Variants in IFT88 observed in about 807,000 individuals in gnomAD.
IFT88 encodes the protein intraflagellar transport protein 88 homolog.
In IFT88, 74 loss-of-function variants were observed where a neutral mutation model predicts 119.5. That is an observed-to-expected ratio of 0.62 (90% confidence interval 0.51 to 0.75). The LOEUF (loss-of-function observed/expected upper bound fraction) is 0.75, where lower values mean the gene tolerates loss of function less well. Among genes scored for constraint, IFT88 ranks in the 30% least tolerant of loss-of-function variants. The probability of loss-of-function intolerance (pLI) is 0.00; values close to 1 mark genes in which losing one functional copy is unlikely to be tolerated. For synonymous variants in IFT88, 279 were observed against 316.7 expected (o/e 0.88, Z 1.26); for missense variants, 961 against 977.7 (o/e 0.98, Z 0.23).
chr13:20,631,227 G>A (rs969799285), intron 16 of IFT88, 125 bp downstream of exon 16: 2 of 670,160 alleles, frequency 3.0e-6, no homozygotes, highest in South Asian at 1.7e-5. Context: ...GGACTGAGGA[G>A]TATAGAGGAT....
intron 23 of IFT88, among the ~76,000 whole-genome samples, chr13:20,664,324 T>G (rs1478539863): frequency 1.3e-5 from 2 of 152,194 alleles, no homozygotes; most frequent in Non-Finnish European, 2.9e-5. Context: ...CTGGAACTAT[T>G]ATGGAAAGGA....
At chr13:20,636,479 G>C (rs923296522) in intron 16 of IFT88, among the ~76,000 whole-genome samples, 1 of 152,166 alleles carries the variant, frequency 6.6e-6, no homozygotes, top group African/African-American at 2.4e-5. Flanking sequence ...ATCATACCCA[G>C]TTAAAATAAG....
rs1223548357 is a variant in IFT88, at chr13:20,605,018, C to G, written c.1042-17C>G. Reference sequence around the variant, plus strand: ...ACTTCTGAATTATTCTTTTTTTCTTCCATTTTATTTTACCAGGATGATCCT... The same window carrying G: ...ACTTCTGAATTATTCTTTTTTTCTTGCATTTTATTTTACCAGGATGATCCT... On this transcript the variant is annotated splice_polypyrimidine_tract_variant and intron_variant, in intron 12 of 25. Transcript: ENST00000351808. The G allele has an allele frequency of 8.0e-7, 1 of 1,251,382 alleles. No homozygotes were observed. The highest frequency in any genetic ancestry group is 1.3e-5 in the South Asian group (1 of 78,082). 77.5% of individuals were successfully genotyped at this position (1,251,382 alleles called of 1,614,324 possible).
intron 3 of IFT88, among the ~76,000 whole-genome samples, chr13:20,586,040 G>A (rs903984565): frequency 2.0e-5 from 3 of 152,106 alleles, no homozygotes; most frequent in African/African-American, 2.4e-5. Context: ...CTTTAATTAA[G>A]TGATTTCAGG....
intron 14 of IFT88, among the ~76,000 whole-genome samples, chr13:20,621,127 G>A (rs906642423): frequency 2.0e-5 from 3 of 151,902 alleles, no homozygotes; most frequent in Non-Finnish European, 4.4e-5. Context: ...GTGCAGTGGC[G>A]CAATCTCTGC....
At chr13:20,611,182 A>C (rs966541982) in intron 13 of IFT88, among the ~76,000 whole-genome samples, 2 of 151,890 alleles carry the variant, frequency 1.3e-5, no homozygotes, top group Non-Finnish European at 2.9e-5. Context: ...GAAACCAGGA[A>C]AATTTTTTCA....
chr13:20,602,972 A>G (rs2139177843), intron 12 of IFT88, among the ~76,000 whole-genome samples: 1 of 152,312 alleles, frequency 6.6e-6, no homozygotes, highest in African/African-American at 2.4e-5. Flanking sequence ...AAACACCTAG[A>G]GAAATATTAT....
intron 1 of IFT88, among the ~76,000 whole-genome samples, chr13:20,572,260 C>T (rs1397864052): frequency 1.3e-5 from 2 of 152,026 alleles, no homozygotes; most frequent in Non-Finnish European, 2.9e-5. Context: ...ACTCTGTCAC[C>T]CAGGTTGGAG....
At chr13:20,648,565 T>G (rs1277008893) in intron 20 of IFT88, among the ~76,000 whole-genome samples, 1 of 151,320 alleles carries the variant, frequency 6.6e-6, no homozygotes, top group Non-Finnish European at 1.5e-5. Context: ...AATAGTACAC[T>G]AAAAAAAATC....
At chr13:20,580,712 ATTTTCTT>A (rs2038414497) in intron 2 of IFT88, among the ~76,000 whole-genome samples, 3 of 143,358 alleles carry the variant, frequency 2.1e-5, no homozygotes, top group Admixed American at 7.0e-5. Context: ...GATCATGAAG[ATTTTCTT>A]TTTTCTTTTT....
intron 9 of IFT88, among the ~76,000 whole-genome samples, chr13:20,597,614 G>C (rs1301670113): frequency 4.0e-5 from 6 of 151,762 alleles, no homozygotes; most frequent in Admixed American, 2.0e-4. Flanking sequence ...TGTGGTGGCG[G>C]GCGCCTGTAG....
chr13:20,687,022 CAAAAAAAAAAAAAAAA>C (rs370247448), intron 24 of IFT88, among the ~76,000 whole-genome samples: 6 of 59,834 alleles, frequency 1.0e-4, no homozygotes, highest in African/African-American at 2.4e-4. Flanking sequence ...ACTTTCTTAC[CAAAAAAAAAAAAAAAA>C]AAAAAAAAAA....
At chr13:20,606,648 C>A (rs1693042907) in intron 13 of IFT88, among the ~76,000 whole-genome samples, 1 of 152,164 alleles carries the variant, frequency 6.6e-6, no homozygotes, top group Admixed American at 6.5e-5. Flanking sequence ...GGAGGCTGAG[C>A]CGGGTAGATA....
chr13:20,629,618 G>A (rs1339304256), intron 15 of IFT88, among the ~76,000 whole-genome samples: 1 of 152,158 alleles, frequency 6.6e-6, no homozygotes. Flanking sequence ...ATCTGAAATT[G>A]AGTATTTTAA....
intron 17 of IFT88, among the ~76,000 whole-genome samples, chr13:20,639,105 T>C (rs2049469623): frequency 6.6e-6 from 1 of 152,236 alleles, no homozygotes; most frequent in Non-Finnish European, 1.5e-5. Flanking sequence ...TTTTCAGTAT[T>C]GCAAACACAT....
intron 7 of IFT88, among the ~76,000 whole-genome samples, chr13:20,595,504 G>A (rs2041491570): frequency 1.3e-5 from 2 of 151,770 alleles, no homozygotes; most frequent in African/African-American, 4.8e-5. Context: ...TGGCCATGCT[G>A]GTCTCAAACT....
intron 16 of IFT88, among the ~76,000 whole-genome samples, chr13:20,634,590 G>A (rs939050379): frequency 6.6e-6 from 1 of 152,076 alleles, no homozygotes; most frequent in Non-Finnish European, 1.5e-5. Flanking sequence ...AGCCAGGCAT[G>A]GTGGTGCATA....
At chr13:20,682,821 CT>C (rs1383259558) in intron 24 of IFT88, among the ~76,000 whole-genome samples, 2 of 152,158 alleles carry the variant, frequency 1.3e-5, no homozygotes, top group African/African-American at 4.8e-5. Context: ...CTTAACATGC[CT>C]TGTGGGAGCA....
intron 1 of IFT88, among the ~76,000 whole-genome samples, chr13:20,569,902 G>A (rs528431171): frequency 8.2e-4 from 125 of 151,902 alleles, no homozygotes; most frequent in Non-Finnish European, 7.1e-4. Context: ...AAAATTAGCC[G>A]GGCTTGGTGG....
Sources: gnomAD v4.1 joint callset for allele counts (sites outside exome capture counted in the v4.1 genomes callset) on GRCh38, gnomAD v4.1.1 for gene constraint, MANE v1.5 for transcripts, NCBI Gene and HGNC (gene_info 2026-07-23, HGNC 2026-07-21) for gene names.